The following MARK1 variants were observed in gnomAD, a reference collection of about 807,000 sequenced individuals.
MARK1 encodes microtubule affinity regulating kinase 1.
MARK1 carries 40 observed loss-of-function variants against 96.3 expected under a neutral mutation model. That is an observed-to-expected ratio of 0.42 (90% CI 0.32 to 0.54). The LOEUF is 0.54. Ranked by LOEUF, MARK1 falls within the 20% of genes least tolerant of loss-of-function variation. MARK1 has a pLI of 0.16. For synonymous variants in MARK1, 317 were observed against 341.2 expected (o/e 0.93, Z 0.78); for missense variants, 719 against 984.6 (o/e 0.73, Z 3.61).
chr1:220,565,146 T>A (rs1662957889), intron 1 of MARK1, among the ~76,000 whole-genome samples: 1 of 152,214 alleles, frequency 6.6e-6, no homozygotes, highest in South Asian at 2.1e-4. Context: ...ACAGTAGATG[T>A]GAAAAATGAG....
At chr1:220,555,909 G>T (rs1662211317) in intron 1 of MARK1, among the ~76,000 whole-genome samples, 1 of 152,120 alleles carries the variant, frequency 6.6e-6, no homozygotes, top group South Asian at 2.1e-4. Context: ...GAATTGACAT[G>T]GTTCCCTTTC....
chr1:220,559,516 C>A (rs1302967233), intron 1 of MARK1, among the ~76,000 whole-genome samples: 1 of 152,150 alleles, frequency 6.6e-6, no homozygotes, highest in African/African-American at 2.4e-5. Context: ...GACATGTGGT[C>A]ATGGGAGAAT....
rs184071319 is a variant in MARK1 at position 220,558,438 on chromosome 1, A to C, written c.52-20916A>C. ...AAAAGGATTAAACTCTCTTATTTAA[A>C]AAAATAGTTTCTCAGCTTGTGTAAA... On this transcript the variant is annotated intron_variant, in intron 1 of 17. Transcript: ENST00000366917. Among the ~76,000 whole-genome samples, 45 of 151,896 alleles carry C rather than the reference A, an allele frequency of 3.0e-4. 1 individual carries two copies. Among genetic ancestry groups the C allele is most frequent in the Non-Finnish European group, 1.6e-4 (11 of 67,908 alleles).
chr1:220,530,714 A>C (rs1334187431), intron 1 of MARK1, among the ~76,000 whole-genome samples: 1 of 152,168 alleles, frequency 6.6e-6, no homozygotes, highest in East Asian at 1.9e-4. Context: ...ATAGTATGAT[A>C]AATTTTGTTG....
chr1:220,568,134 A>T (rs1383484076), intron 1 of MARK1, among the ~76,000 whole-genome samples: 1 of 152,096 alleles, frequency 6.6e-6, no homozygotes, highest in African/African-American at 2.4e-5. Flanking sequence ...GTACTTCTTG[A>T]TATTTGTACT....
In MARK1 at chr1:220,528,877, A is replaced by G; in HGVS notation, c.51+4A>G. The G allele has an allele frequency of 6.4e-7, 1 of 1,567,072 alleles. No homozygotes were observed. Among genetic ancestry groups the G allele is most frequent in the Non-Finnish European group, 8.7e-7 (1 of 1,155,558 alleles). ...GAACGAGCGGGACACGGAAAATGTGAGTAACCGGAGCCTCCCTCGGGAGCA... is the reference window on the plus strand; with the variant it reads ...GAACGAGCGGGACACGGAAAATGTGGGTAACCGGAGCCTCCCTCGGGAGCA... On this transcript the variant is annotated splice_donor_region_variant and intron_variant, in intron 1 of 17. Coordinates refer to ENST00000366917, the MANE Select transcript of MARK1 (RefSeq NM_018650.5).
At chr1:220,606,861 G>A (rs758662430) in intron 6 of MARK1, among the ~76,000 whole-genome samples, 2 of 152,144 alleles carry the variant, frequency 1.3e-5, no homozygotes, top group African/African-American at 4.8e-5. Context: ...TGAGGCCTCT[G>A]TTCTGTTCCA....
chr1:220,594,011 C>T (rs1558284229), intron 3 of MARK1, among the ~76,000 whole-genome samples: 1 of 152,222 alleles, frequency 6.6e-6, no homozygotes, highest in Non-Finnish European at 1.5e-5. Context: ...ACTTCTGGCT[C>T]CCTCTGCCCA....
chr1:220,595,617 G>C (rs1276802521), intron 3 of MARK1, among the ~76,000 whole-genome samples: 1 of 152,186 alleles, frequency 6.6e-6, no homozygotes, highest in Non-Finnish European at 1.5e-5. Flanking sequence ...TTTTTTTCTA[G>C]AGTCTGGTAG....
At chr1:220,643,246 A>G (rs80272669) in intron 13 of MARK1, among the ~76,000 whole-genome samples, 2,209 of 152,334 alleles carry the variant, frequency 0.015, 30 homozygotes, top group Middle Eastern at 0.044. Flanking sequence ...ACCAGTTTAG[A>G]GAGGAGCTTA....
chr1:220,636,138 A>G (rs1030240990), intron 13 of MARK1, 112 bp downstream of exon 13: 4 of 751,040 alleles, frequency 5.3e-6, no homozygotes, highest in Admixed American at 3.6e-5. Flanking sequence ...AAAGGGAATT[A>G]TAATTTAAAG....
Position 220,529,556 on chromosome 1 carries a change from T to C in MARK1, c.51+683T>C, listed in dbSNP as rs188783557. On this transcript the variant is annotated intron_variant, in intron 1 of 17. Coordinates refer to ENST00000366917, the MANE Select transcript of MARK1 (RefSeq NM_018650.5). ...ACATGAAGCCAAGGGCTTTTTAATC[T>C]CTTCCTTAAGTCAGTGATAATGATG... Among the ~76,000 whole-genome samples the C allele has an allele frequency of 8.7e-3, 1,315 of 151,220 alleles. 14 individuals carry two copies. The highest frequency in any genetic ancestry group is 0.037 in the South Asian group (177 of 4,828).
chr1:220,577,723 C>A (rs1663965113), intron 1 of MARK1, among the ~76,000 whole-genome samples: 1 of 152,120 alleles, frequency 6.6e-6, no homozygotes, highest in African/African-American at 2.4e-5. Flanking sequence ...CTGTAATGTG[C>A]TGAGTACATA....
intron 7 of MARK1, 25 bp downstream of exon 7, chr1:220,616,020 T>TAA (rs375356667): frequency 2.0e-4 from 172 of 857,304 alleles, no homozygotes; most frequent in Admixed American, 1.8e-3. Context: ...GTAATTTTTT[T>TAA]AAAAAAAAAA....
chr1:220,607,375 T>C (rs934116945), intron 6 of MARK1, among the ~76,000 whole-genome samples: 12 of 152,214 alleles, frequency 7.9e-5, no homozygotes, highest in Admixed American at 7.2e-4. Context: ...ATTCATTTTG[T>C]ATCCTGATAC....
At chr1:220,563,416 T>C (rs1221285727) in intron 1 of MARK1, among the ~76,000 whole-genome samples, 3 of 152,230 alleles carry the variant, frequency 2.0e-5, no homozygotes, top group African/African-American at 7.2e-5. Context: ...ACTGAGTTCC[T>C]ACTTGTGAGT....
rs560196145 is a variant in MARK1 at position 220,597,650 on chromosome 1, A to T, written c.310-681A>T. Among the ~76,000 whole-genome samples, 13 of 152,304 alleles carry T rather than the reference A, an allele frequency of 8.5e-5. No individual in the cohort carries two copies. The South Asian group carries it at 2.7e-3, about 32-fold the overall frequency. ...TTTGGTTCTCCTATTTTCTTGAACA[A>T]ATTGCTTTATTTGGAAGCTAACATA... On this transcript the variant is annotated intron_variant, in intron 3 of 17. Transcript: ENST00000366917.
chr1:220,604,299 GAATTTA>G (rs1203864607), intron 6 of MARK1, among the ~76,000 whole-genome samples, 162 bp downstream of exon 6: 1 of 151,838 alleles, frequency 6.6e-6, no homozygotes, highest in African/African-American at 2.4e-5. Flanking sequence ...AAACCTTTCT[GAATTTA>G]AATTTAAATA....
chr1:220,640,456 T>G (rs6675717), intron 13 of MARK1, among the ~76,000 whole-genome samples: 4,379 of 152,202 alleles, frequency 0.029, 231 homozygotes, highest in African/African-American at 0.099. Flanking sequence ...GGGGAGAGTT[T>G]TGAGTTAAAT....
Sources: allele counts gnomAD v4.1 joint callset (sites outside exome capture counted in the v4.1 genomes callset), GRCh38; gene constraint gnomAD v4.1.1; transcripts MANE v1.5; gene names NCBI Gene and HGNC (gene_info 2026-07-23, HGNC 2026-07-21).